ARHGAP39: variants seen among roughly 807,000 people sequenced by gnomAD.
The protein encoded by ARHGAP39 is rho GTPase-activating protein 39.
In ARHGAP39, 44 loss-of-function variants were observed where a neutral mutation model predicts 106.9. The ratio of observed to expected loss-of-function variants is 0.41; its 90% CI spans 0.32 to 0.53. ARHGAP39 has a LOEUF of 0.53. Ranked by LOEUF, ARHGAP39 falls within the 20% of genes least tolerant of loss-of-function variation. The probability of loss-of-function intolerance (pLI) is 0.21; values close to 1 mark genes in which losing one functional copy is unlikely to be tolerated. For synonymous variants in ARHGAP39, 768 were observed against 693.2 expected (o/e 1.11, Z -1.69); for missense variants, 1,496 against 1,577.3 (o/e 0.95, Z 0.87).
At chr8:144,692,264 C>T in the ARHGAP39 span, among the ~76,000 whole-genome samples, 5 of 152,158 alleles carry the variant, frequency 3.3e-5, no homozygotes, top group African/African-American at 1.2e-4. Flanking sequence ...GCAGGGGCTC[C>T]CCAATGCCCC....
intron 1 of ARHGAP39, among the ~76,000 whole-genome samples, chr8:144,640,465 T>A (rs778118624): frequency 2.0e-4 from 30 of 152,222 alleles, no homozygotes; most frequent in Non-Finnish European, 3.7e-4. Flanking sequence ...CCTGCTGCCA[T>A]CCAGGTAAGA....
intron 2 of ARHGAP39, among the ~76,000 whole-genome samples, chr8:144,600,659 C>T (rs528180124): frequency 1.1e-4 from 15 of 134,364 alleles, no homozygotes; most frequent in South Asian, 7.4e-4. Flanking sequence ...TGGAGGTGTG[C>T]GTGCACACTT....
chr8:144,649,480 A>G (rs1821524940), intron 1 of ARHGAP39, among the ~76,000 whole-genome samples: 1 of 151,878 alleles, frequency 6.6e-6, no homozygotes, highest in Non-Finnish European at 1.5e-5. Flanking sequence ...AATAGAAATG[A>G]CAAACGTGGC....
intron 3 of ARHGAP39, among the ~76,000 whole-genome samples, chr8:144,570,007 G>C (rs1310744821): frequency 2.0e-5 from 3 of 152,170 alleles, no homozygotes; most frequent in Non-Finnish European, 2.9e-5. Context: ...GATCACTTGA[G>C]GTCAAGAGTT....
intron 1 of ARHGAP39, among the ~76,000 whole-genome samples, chr8:144,675,282 C>T (rs1322923258): frequency 6.6e-6 from 1 of 152,140 alleles, no homozygotes; most frequent in Non-Finnish European, 1.5e-5. Context: ...CACCAGGCTA[C>T]AGAGCAGTGG....
At chr8:144,558,523 C>T (rs1818027524) in intron 3 of ARHGAP39, among the ~76,000 whole-genome samples, 1 of 152,044 alleles carries the variant, frequency 6.6e-6, no homozygotes, top group Admixed American at 6.6e-5. Context: ...GAACTCCTGA[C>T]ATCAGGTGAT....
At chr8:144,562,087 CGG>C (rs1351007000) in intron 3 of ARHGAP39, among the ~76,000 whole-genome samples, 1 of 147,078 alleles carries the variant, frequency 6.8e-6, no homozygotes, top group Admixed American at 6.7e-5. Context: ...TGGTTTCCAT[CGG>C]ACTTACTCCA....
At chr8:144,638,220 G>A (rs369692536) in intron 1 of ARHGAP39, among the ~76,000 whole-genome samples, 19 of 152,300 alleles carry the variant, frequency 1.2e-4, no homozygotes, top group East Asian at 7.7e-4. Flanking sequence ...GCAGCCGGCC[G>A]TCTGTACTGC....
At position 144,678,677 on chromosome 8, in the gene ARHGAP39, T is replaced by C. The variant is rs556414343; in HGVS notation, c.-82+7009A>G. On this transcript the variant is annotated intron_variant, in intron 1 of 11. Transcript: ENST00000377307. ...ACGCTCTGAGCCTGGCGCCATCCTGTGCACTGTAGGATTTCAACAGCATCC... is the reference window on the plus strand; with the variant it reads ...ACGCTCTGAGCCTGGCGCCATCCTGCGCACTGTAGGATTTCAACAGCATCC... Among the ~76,000 whole-genome samples the C allele has an allele frequency of 5.3e-5, 8 of 152,346 alleles. No homozygotes were observed. In the South Asian group the frequency reaches 1.2e-3, roughly 24 times the overall value.
At chr8:144,565,553 G>A (rs1486524516) in intron 3 of ARHGAP39, among the ~76,000 whole-genome samples, 1 of 152,032 alleles carries the variant, frequency 6.6e-6, no homozygotes, top group Non-Finnish European at 1.5e-5. Flanking sequence ...GCCAGGCGCG[G>A]TGGCAGGTGT....
rs559296225 is a variant in ARHGAP39, at chr8:144,675,767, G to A, written c.-82+9919C>T. 1.5e-4 allele frequency among the ~76,000 whole-genome samples: 22 copies of A among 151,608 alleles called. No individual in the cohort carries two copies. The East Asian group carries it at 3.3e-3, about 23-fold the overall frequency. On this transcript the variant is annotated intron_variant, in intron 1 of 11. Coordinates refer to ENST00000377307, the MANE Select transcript of ARHGAP39 (RefSeq NM_025251.3). The stretch of plus-strand genomic sequence containing the variant: ...GTTGTTCATTCCTTCCGGTGGGTTC[G>A]TGGTCTCGCTGGCCTCAGGAGTGAA...
chr8:144,587,596 G>A (rs906006522), intron 2 of ARHGAP39, among the ~76,000 whole-genome samples: 2 of 152,186 alleles, frequency 1.3e-5, no homozygotes, highest in African/African-American at 4.8e-5. Context: ...GGAGCACACG[G>A]GAGCGGGCAG....
At chr8:144,537,892 G>A in intron 6 of ARHGAP39, 79 bp from the exon 7 acceptor site, 1 of 1,313,074 alleles carries the variant, frequency 7.6e-7, no homozygotes, top group Admixed American at 1.7e-5. Context: ...GCACTTGGCT[G>A]GTGAGCAGGC....
intron 1 of ARHGAP39, among the ~76,000 whole-genome samples, chr8:144,654,465 CT>C (rs1190717445): frequency 6.6e-6 from 1 of 152,216 alleles, no homozygotes; most frequent in Non-Finnish European, 1.5e-5. Context: ...GATCACACTA[CT>C]GCATTCCAGC....
rs746012829 is a variant in ARHGAP39 at position 144,629,162 on chromosome 8, G to A, written c.-81-23467C>T. Among the ~76,000 whole-genome samples the A allele has an allele frequency of 4.7e-4, 71 of 152,222 alleles. 1 individual carries two copies. The highest frequency in any genetic ancestry group is 8.7e-4 in the Non-Finnish European group (59 of 68,038). On this transcript the variant is annotated intron_variant, in intron 1 of 11. Transcript: ENST00000377307. The stretch of plus-strand genomic sequence containing the variant: ...TCAGCTACATGAGTTGCAAACTCTA[G>A]GTTTGAGGCCACATTGCTCTTCTCG...
chr8:144,561,724 G>GGACTTAATCCAGTGGTTTCCATCA (rs1818173856), intron 3 of ARHGAP39, among the ~76,000 whole-genome samples: 1 of 143,638 alleles, frequency 7.0e-6, no homozygotes. Flanking sequence ...GGTTTCCATC[G>GGACTTAATCCAGTGGTTTCCATCA]GACTTAATCC....
At chr8:144,588,597 C>T (rs1020628784) in intron 2 of ARHGAP39, among the ~76,000 whole-genome samples, 12 of 152,344 alleles carry the variant, frequency 7.9e-5, no homozygotes, top group Admixed American at 3.9e-4. Flanking sequence ...TGGAGAAACT[C>T]GGCCCAGGGC....
intron 7 of ARHGAP39, among the ~76,000 whole-genome samples, chr8:144,536,423 C>A (rs1330111438): frequency 6.6e-6 from 1 of 152,226 alleles, no homozygotes; most frequent in Non-Finnish European, 1.5e-5. Flanking sequence ...GGCTCCACTC[C>A]AGGCACAGGG....
chr8:144,649,068 C>T (rs565029375), intron 1 of ARHGAP39, among the ~76,000 whole-genome samples: 1 of 152,246 alleles, frequency 6.6e-6, no homozygotes, highest in Non-Finnish European at 1.5e-5. Context: ...CAGGAGTTGG[C>T]TTCTTGGAAA....
Sources: allele counts gnomAD v4.1 joint callset (sites outside exome capture counted in the v4.1 genomes callset), GRCh38; gene constraint gnomAD v4.1.1; transcripts MANE v1.5; gene names NCBI Gene and HGNC (gene_info 2026-07-23, HGNC 2026-07-21).